ATP8A2: variants seen among roughly 807,000 people sequenced by gnomAD.
ATP8A2 encodes phospholipid-transporting ATPase IB.
A neutral mutation model predicts 165.6 loss-of-function variants in ATP8A2; 100 were observed. The ratio of observed to expected loss-of-function variants is 0.60; its 90% CI spans 0.51 to 0.71. The LOEUF (loss-of-function observed/expected upper bound fraction) is 0.71, where lower values mean the gene tolerates loss of function less well. ATP8A2 is among the 30% of genes least tolerant of loss of function. ATP8A2 has a pLI of 0.00. For synonymous variants in ATP8A2, 543 were observed against 548.8 expected (o/e 0.99, Z 0.15); for missense variants, 1,227 against 1,479.5 (o/e 0.83, Z 2.80).
intron 2 of ATP8A2, among the ~76,000 whole-genome samples, chr13:25,527,021 T>A (rs975876125): frequency 6.6e-6 from 1 of 152,158 alleles, no homozygotes; most frequent in African/African-American, 2.4e-5. Flanking sequence ...TCTTACCATC[T>A]ACTTGGAGCT....
intron 33 of ATP8A2, among the ~76,000 whole-genome samples, chr13:25,957,630 G>A (rs1955556683): frequency 6.6e-6 from 1 of 152,224 alleles, no homozygotes; most frequent in Non-Finnish European, 1.5e-5. Context: ...TGCTGGAGAG[G>A]ATGTGGAGAA....
At chr13:25,429,959 C>T (rs1476403317) in intron 1 of ATP8A2, among the ~76,000 whole-genome samples, 1 of 152,020 alleles carries the variant, frequency 6.6e-6, no homozygotes, top group African/African-American at 2.4e-5. Flanking sequence ...AGGGGTTGGG[C>T]TTTTAGACAG....
chr13:25,876,498 T>C (rs151112961), intron 33 of ATP8A2, among the ~76,000 whole-genome samples: 457 of 152,200 alleles, frequency 3.0e-3, no homozygotes, highest in African/African-American at 0.01. Flanking sequence ...GGTGGAGCCA[T>C]GAAACCTGGA....
At chr13:25,526,117 A>G (rs887731551) in intron 2 of ATP8A2, among the ~76,000 whole-genome samples, 1 of 151,762 alleles carries the variant, frequency 6.6e-6, no homozygotes, top group African/African-American at 2.4e-5. Context: ...CCTCAAATAC[A>G]TTTCTCAGTT....
intron 2 of ATP8A2, among the ~76,000 whole-genome samples, chr13:25,500,764 G>C (rs549496285): frequency 6.6e-6 from 1 of 152,130 alleles, no homozygotes; most frequent in South Asian, 2.1e-4. Flanking sequence ...TGTCCTTTTT[G>C]TAGAGGTGGG....
At chr13:25,859,340 C>A (rs1952272290) in intron 30 of ATP8A2, among the ~76,000 whole-genome samples, 1 of 152,104 alleles carries the variant, frequency 6.6e-6, no homozygotes, top group African/African-American at 2.4e-5. Context: ...CAAACCTGCG[C>A]ATGTACCCCA....
chr13:25,453,011 C>T (rs1463108909), intron 1 of ATP8A2, among the ~76,000 whole-genome samples: 3 of 151,972 alleles, frequency 2.0e-5, no homozygotes, highest in African/African-American at 7.2e-5. Context: ...AGGAGAATCG[C>T]TTGAGCCCAG....
intron 10 of ATP8A2, among the ~76,000 whole-genome samples, chr13:25,546,448 T>C (rs1276925158): frequency 1.3e-5 from 2 of 151,876 alleles, no homozygotes; most frequent in African/African-American, 4.8e-5. Context: ...TGAAATAACA[T>C]TGTTTGTCTG....
At chr13:25,609,430 G>A (rs118080318) in intron 24 of ATP8A2, among the ~76,000 whole-genome samples, 5 of 149,966 alleles carry the variant, frequency 3.3e-5, no homozygotes, top group Admixed American at 6.7e-5. Flanking sequence ...GCCTCATTAC[G>A]TACAATTTCT....
chr13:25,617,768 A>C (rs1486620123), intron 24 of ATP8A2, among the ~76,000 whole-genome samples: 1 of 152,150 alleles, frequency 6.6e-6, no homozygotes, highest in African/African-American at 2.4e-5. Flanking sequence ...GAATTTGAAA[A>C]ATTCACGCAG....
intron 33 of ATP8A2, among the ~76,000 whole-genome samples, chr13:25,949,114 A>G (rs2147346): frequency 0.66 from 99,761 of 152,122 alleles, 33,220 homozygotes; most frequent in East Asian, 0.78. Context: ...TGAGTAACTC[A>G]CAGATGGTGT....
intron 2 of ATP8A2, among the ~76,000 whole-genome samples, chr13:25,477,892 G>A (rs149160381): frequency 2.4e-4 from 37 of 152,206 alleles, no homozygotes; most frequent in African/African-American, 8.7e-4. Context: ...AGCAGAGATC[G>A]CACCATTGCA....
At chr13:25,815,723 A>G (rs1199309113) in intron 27 of ATP8A2, among the ~76,000 whole-genome samples, 2 of 152,224 alleles carry the variant, frequency 1.3e-5, no homozygotes, top group Non-Finnish European at 2.9e-5. Context: ...GACTGAACCC[A>G]TGTTTTTATA....
chr13:25,895,825 G>A (rs1176741955), intron 33 of ATP8A2, among the ~76,000 whole-genome samples: 2 of 152,276 alleles, frequency 1.3e-5, no homozygotes, highest in Non-Finnish European at 2.9e-5. Flanking sequence ...TTGCATAGAG[G>A]TGTTTATAGT....
intron 24 of ATP8A2, among the ~76,000 whole-genome samples, chr13:25,631,708 A>G (rs894793733): frequency 2.6e-5 from 4 of 152,092 alleles, no homozygotes; most frequent in African/African-American, 7.2e-5. Context: ...TATCATTACA[A>G]TGTTTTGCAG....
chr13:25,484,086 T>C (rs1274989956), intron 2 of ATP8A2, among the ~76,000 whole-genome samples: 1 of 152,228 alleles, frequency 6.6e-6, no homozygotes, highest in Non-Finnish European at 1.5e-5. Flanking sequence ...CAGGCTGGAC[T>C]GCGAGCATAA....
At chr13:25,865,958 G>A (rs1389488343) in intron 33 of ATP8A2, among the ~76,000 whole-genome samples, 1 of 152,046 alleles carries the variant, frequency 6.6e-6, no homozygotes, top group East Asian at 1.9e-4. Context: ...TTCCCCAGTA[G>A]AATAACCATG....
chr13:25,913,302 A>T (rs1954174082), intron 33 of ATP8A2, among the ~76,000 whole-genome samples: 1 of 152,202 alleles, frequency 6.6e-6, no homozygotes, highest in Admixed American at 6.5e-5. Context: ...ACACCTCAAA[A>T]ATGGTGAAAA....
At chr13:25,483,439 T>C (rs577949750) in intron 2 of ATP8A2, among the ~76,000 whole-genome samples, 1 of 152,246 alleles carries the variant, frequency 6.6e-6, no homozygotes, top group South Asian at 2.1e-4. Context: ...GTTGGTTGCG[T>C]CATGAAGGAG....
Sources: gnomAD v4.1 joint callset for allele counts (sites outside exome capture counted in the v4.1 genomes callset) on GRCh38, gnomAD v4.1.1 for gene constraint, MANE v1.5 for transcripts, NCBI Gene and HGNC (gene_info 2026-07-23, HGNC 2026-07-21) for gene names.